Variants in CELF2 observed in about 807,000 individuals in gnomAD.
The protein encoded by CELF2 is CUGBP Elav-like family member 2.
A neutral mutation model predicts 62.6 loss-of-function variants in CELF2; 8 were observed. The ratio of observed to expected loss-of-function variants is 0.13; its 90% CI spans 0.07 to 0.23. CELF2 has a LOEUF of 0.23. CELF2 is among the 10% of genes least tolerant of loss of function. CELF2 has a pLI of 1.00. For synonymous variants in CELF2, 258 were observed against 250.0 expected (o/e 1.03, Z -0.30); for missense variants, 333 against 671.0 (o/e 0.50, Z 5.56).
chr10:10,750,552 T>G, the CELF2 span, among the ~76,000 whole-genome samples: 1 of 152,264 alleles, frequency 6.6e-6, no homozygotes, highest in Non-Finnish European at 1.5e-5. Flanking sequence ...AAATTCACAT[T>G]GGATTAATTT....
At chr10:10,888,465 C>G (rs2061912543) in intron 1 of CELF2, among the ~76,000 whole-genome samples, 2 of 152,170 alleles carry the variant, frequency 1.3e-5, no homozygotes, top group Non-Finnish European at 2.9e-5. Flanking sequence ...ATTATAAGGA[C>G]CAGTTAGATC....
chr10:10,468,654 T>C, the CELF2 span, among the ~76,000 whole-genome samples: 2 of 151,998 alleles, frequency 1.3e-5, no homozygotes, highest in South Asian at 4.1e-4. Flanking sequence ...TTGGGCCTCT[T>C]CAACTAGGGC....
intron 3 of CELF2, 121 bp from the exon 4 acceptor site, chr10:11,249,032 G>T: frequency 1.3e-6 from 1 of 745,928 alleles, no homozygotes; most frequent in South Asian, 1.6e-5. Flanking sequence ...AGTACCTGGA[G>T]AAGTCTTGTT....
upstream of CELF2, among the ~76,000 whole-genome samples, chr10:10,793,996 A>T (rs898995436): frequency 6.6e-6 from 1 of 152,164 alleles, no homozygotes; most frequent in African/African-American, 2.4e-5. Flanking sequence ...TGGTATAAGT[A>T]TATCCCATGC....
rs2074635290 is a variant in CELF2 at position 11,243,451 on chromosome 10, G to T, written c.355-5702G>T. On this transcript the variant is annotated intron_variant, in intron 3 of 12. Coordinates refer to ENST00000633077, the MANE Select transcript of CELF2 (RefSeq NM_001326342.2). This position sits in a 1 kb window ranked among gnomAD's most constrained non-coding sequence, Gnocchi z 4.1. Reference sequence around the variant, plus strand: ...TAGAAGCCTTTCTTGATAGCAATGTGAACTTGAAGAAATGTGTGACATCCC... The same window carrying T: ...TAGAAGCCTTTCTTGATAGCAATGTTAACTTGAAGAAATGTGTGACATCCC... 6.6e-6 allele frequency among the ~76,000 whole-genome samples: 1 copy of T among 151,504 alleles called. No individual in the cohort carries two copies. The highest frequency in any genetic ancestry group is 1.5e-5 in the Non-Finnish European group (1 of 67,974).
rs373899639 is a variant in CELF2 at position 11,330,216 on chromosome 10, CCT to C, written c.*1164_*1165del. ...ATTTGTTGAAACTGGACCTTCTCCC[CCT>C]GTCCCTCACCCCAAAACACCCGGAA... On this transcript the variant is annotated 3_prime_UTR_variant, in exon 13 of 13. Coordinates refer to ENST00000633077, the MANE Select transcript of CELF2 (RefSeq NM_001326342.2). This position sits in a 1 kb window ranked among gnomAD's most constrained non-coding sequence, Gnocchi z 4.5. 1.7e-4 allele frequency: 26 copies of C among 152,714 alleles called. 1 individual carries two copies. The highest frequency in any genetic ancestry group is 1.4e-3 in the Admixed American group (21 of 15,294). 9.5% of individuals were successfully genotyped at this position (152,714 alleles called of 1,614,324 possible). A position where few individuals can be genotyped will look rare whatever the true frequency, so the allele number is the denominator to read the frequency against.
At chr10:10,740,790 G>C in the CELF2 span, among the ~76,000 whole-genome samples, 1 of 152,212 alleles carries the variant, frequency 6.6e-6, no homozygotes, top group South Asian at 2.1e-4. Flanking sequence ...CAACATGGAT[G>C]AAACTGGAAG....
chr10:10,496,028 G>C, the CELF2 span, among the ~76,000 whole-genome samples: 5 of 152,176 alleles, frequency 3.3e-5, no homozygotes, highest in African/African-American at 1.2e-4. Flanking sequence ...CAGACTTTGT[G>C]CTAATCACTT....
upstream of CELF2, among the ~76,000 whole-genome samples, chr10:11,002,105 G>A (rs1321707222): frequency 1.3e-5 from 2 of 152,200 alleles, no homozygotes; most frequent in African/African-American, 4.8e-5. The surrounding 1 kb of genome is among the most constrained non-coding windows in gnomAD (Gnocchi z 4.4). Context: ...TGGACTCACA[G>A]TTCCATGTGG....
chr10:10,600,828 T>A, the CELF2 span, among the ~76,000 whole-genome samples: 1 of 152,202 alleles, frequency 6.6e-6, no homozygotes, highest in Non-Finnish European at 1.5e-5. Context: ...CTATTTATAG[T>A]TGCTCATTTA....
chr10:10,598,747 C>CTTTTTTTTT, the CELF2 span, among the ~76,000 whole-genome samples: 1 of 73,182 alleles, frequency 1.4e-5, no homozygotes, highest in South Asian at 4.5e-4. Context: ...TTTTCTTTTT[C>CTTTTTTTTT]TTTCTTTTTT....
the CELF2 span, among the ~76,000 whole-genome samples, chr10:10,767,967 G>A: frequency 3.2e-5 from 3 of 92,570 alleles, no homozygotes; most frequent in Admixed American, 2.8e-4. Flanking sequence ...CTGCACTCCA[G>A]CCTGGGCGAC....
chr10:10,738,699 C>G, the CELF2 span, among the ~76,000 whole-genome samples: 18 of 152,154 alleles, frequency 1.2e-4, no homozygotes, highest in Non-Finnish European at 2.1e-4. Context: ...AAATACCTGA[C>G]TAGTTCTTCT....
the CELF2 span, among the ~76,000 whole-genome samples, chr10:10,549,724 C>T: frequency 3.6e-3 from 551 of 152,298 alleles, 6 homozygotes; most frequent in African/African-American, 0.013. Flanking sequence ...GATTAGGGCC[C>T]ACCCTAAAGG....
chr10:11,298,023 G>T (rs2093363234), intron 9 of CELF2, among the ~76,000 whole-genome samples: 1 of 152,198 alleles, frequency 6.6e-6, no homozygotes, highest in Non-Finnish European at 1.5e-5. Context: ...AAGTACTGGG[G>T]TCACTAGGGG....
At chr10:10,826,000 C>G (rs2057360403) in intron 1 of CELF2, among the ~76,000 whole-genome samples, 1 of 152,168 alleles carries the variant, frequency 6.6e-6, no homozygotes, top group South Asian at 2.1e-4. Flanking sequence ...GACTTCAAAT[C>G]TCTGATATTA....
At chr10:10,919,285 G>A (rs958721723) in intron 1 of CELF2, among the ~76,000 whole-genome samples, 3 of 151,532 alleles carry the variant, frequency 2.0e-5, no homozygotes, top group African/African-American at 7.3e-5. Context: ...AAAAAAGAAA[G>A]AAAGAAAACG....
At chr10:11,031,036 A>G (rs1448060220) in intron 1 of CELF2, among the ~76,000 whole-genome samples, 2 of 152,208 alleles carry the variant, frequency 1.3e-5, no homozygotes, top group Admixed American at 6.5e-5. Context: ...GGAGGATTTC[A>G]TTAGACACCT....
chr10:10,761,462 G>A, the CELF2 span, among the ~76,000 whole-genome samples: 5 of 152,232 alleles, frequency 3.3e-5, no homozygotes, highest in South Asian at 1.0e-3. Context: ...AACTTCACTG[G>A]GCCACAGGGT....
Sources: gnomAD v4.1 joint callset for allele counts (sites outside exome capture counted in the v4.1 genomes callset) on GRCh38, gnomAD v4.1.1 for gene constraint, Gnocchi (gnomAD v3.1) non-coding constraint, MANE v1.5 for transcripts, NCBI Gene and HGNC (gene_info 2026-07-23, HGNC 2026-07-21) for gene names.